The following NTM variants were observed in gnomAD, a reference collection of about 807,000 sequenced individuals.
NTM encodes IgLON family member 2.
NTM carries 13 observed loss-of-function variants against 42.1 expected under a neutral mutation model. The ratio of observed to expected loss-of-function variants is 0.31; its 90% CI spans 0.20 to 0.49. The LOEUF (loss-of-function observed/expected upper bound fraction) is 0.49, where lower values mean the gene tolerates loss of function less well. NTM is among the 20% of genes least tolerant of loss of function. The pLI, the probability that NTM is intolerant of heterozygous loss-of-function variation, is 0.99. For synonymous variants in NTM, 187 were observed against 179.2 expected (o/e 1.04, Z -0.35); for missense variants, 373 against 452.8 (o/e 0.82, Z 1.60).
chr11:132,169,320 C>CTTTACTTTTTTTT (rs2075776577), intron 3 of NTM, among the ~76,000 whole-genome samples: 4 of 32,358 alleles, frequency 1.2e-4, no homozygotes, highest in Non-Finnish European at 2.2e-4. Context: ...AATTTTTTTA[C>CTTTACTTTTTTTT]TTTTTTTTTT....
chr11:132,321,899 C>T (rs1298993976), intron 7 of NTM, among the ~76,000 whole-genome samples: 6 of 149,096 alleles, frequency 4.0e-5, no homozygotes, highest in Non-Finnish European at 7.4e-5. Context: ...AAAGAATTTT[C>T]AACCCAGAAT....
At chr11:132,151,709 C>T (rs994051885) in intron 3 of NTM, among the ~76,000 whole-genome samples, 2 of 152,070 alleles carry the variant, frequency 1.3e-5, no homozygotes, top group African/African-American at 4.8e-5. Flanking sequence ...TAGTTAATTA[C>T]CTGCCTTTGG....
chr11:132,312,220 C>A (rs1342478306), intron 6 of NTM, among the ~76,000 whole-genome samples: 2 of 152,184 alleles, frequency 1.3e-5, no homozygotes, highest in East Asian at 3.9e-4. Flanking sequence ...GGGGGGAAGG[C>A]CAGCTCTAGC....
At chr11:131,574,618 AG>A (rs1343547619) in intron 1 of NTM, among the ~76,000 whole-genome samples, 1 of 151,564 alleles carries the variant, frequency 6.6e-6, no homozygotes, top group African/African-American at 2.4e-5. Flanking sequence ...TCACTTAGGT[AG>A]GGATGGCTGG....
chr11:131,451,767 G>A (rs777237725), intron 1 of NTM, among the ~76,000 whole-genome samples: 13 of 152,046 alleles, frequency 8.6e-5, no homozygotes, highest in Non-Finnish European at 1.9e-4. Context: ...GGAGACCCTG[G>A]GGTCCCCCAG....
At chr11:132,113,873 G>A (rs928585137) in intron 2 of NTM, among the ~76,000 whole-genome samples, 1 of 152,168 alleles carries the variant, frequency 6.6e-6, no homozygotes. Flanking sequence ...GGGCACAGAA[G>A]TCAACATCAG....
chr11:132,282,761 A>T lies in NTM; in HGVS notation c.527-24928A>T, dbSNP rs909122751. Among the ~76,000 whole-genome samples, 8 of 152,208 alleles carry T rather than the reference A, an allele frequency of 5.3e-5. No homozygotes were observed. In the East Asian group the frequency reaches 1.5e-3, roughly 29 times the overall value. ...AAATTGAATATTTAGCCTGTTTAAG[A>T]GAGAAACATAATCTACACAAAATCT... On this transcript the variant is annotated intron_variant, in intron 4 of 8. Coordinates refer to ENST00000683400, the MANE Select transcript of NTM (RefSeq NM_001352005.2).
Position 131,874,029 on chromosome 11 carries a change from TAATATATATATATATA to T in NTM, c.83-37534_83-37519del, listed in dbSNP as rs1176798373. On this transcript the variant is annotated intron_variant, in intron 1 of 8. Transcript: ENST00000683400. The stretch of plus-strand genomic sequence containing the variant: ...TATAATATATTTATATAATATAATA[TAATATATATATATATA>T]TATATATATATATATATATATATCA... Among the ~76,000 whole-genome samples, 27 of 50,952 alleles carry T rather than the reference TAATATATATATATATA, an allele frequency of 5.3e-4. 1 individual carries two copies. The highest frequency in any genetic ancestry group is 1.0e-3 in the African/African-American group (20 of 19,318). 33.4% of individuals were successfully genotyped at this position (50,952 alleles called of 152,430 possible).
At chr11:132,135,225 C>G (rs144820114) in intron 2 of NTM, among the ~76,000 whole-genome samples, 1 of 152,168 alleles carries the variant, frequency 6.6e-6, no homozygotes, top group Non-Finnish European at 1.5e-5. Context: ...TACCTTGCCC[C>G]GTGTCCTCTC....
intron 4 of NTM, among the ~76,000 whole-genome samples, chr11:132,292,394 T>C (rs2094474880): frequency 6.6e-6 from 1 of 152,132 alleles, no homozygotes; most frequent in South Asian, 2.1e-4. Context: ...GCTTCTCTAT[T>C]CTCCCTCCTC....
At chr11:131,814,658 T>TG (rs766789675) in intron 1 of NTM, among the ~76,000 whole-genome samples, 2 of 151,792 alleles carry the variant, frequency 1.3e-5, no homozygotes, top group Non-Finnish European at 2.9e-5. Flanking sequence ...ACAACTGGAG[T>TG]GGGGAGGTGA....
At chr11:131,640,773 G>A (rs1402645147) in intron 1 of NTM, among the ~76,000 whole-genome samples, 4 of 152,136 alleles carry the variant, frequency 2.6e-5, no homozygotes, top group Admixed American at 2.6e-4. Context: ...TCTCAAGGAG[G>A]GACCTAAACA....
chr11:132,126,324 G>C (rs2065830847), intron 2 of NTM, among the ~76,000 whole-genome samples: 1 of 152,174 alleles, frequency 6.6e-6, no homozygotes, highest in South Asian at 2.1e-4. Flanking sequence ...ACAATGCTGA[G>C]GGTGACAGGA....
chr11:131,977,357 A>G (rs1232013345), intron 2 of NTM, among the ~76,000 whole-genome samples: 2 of 152,240 alleles, frequency 1.3e-5, no homozygotes, highest in African/African-American at 2.4e-5. Context: ...TGTGAAAACA[A>G]TGAGCTGGTG....
chr11:132,200,348 A>G (rs2080966148), intron 3 of NTM, among the ~76,000 whole-genome samples: 2 of 152,200 alleles, frequency 1.3e-5, no homozygotes, highest in Admixed American at 6.5e-5. Context: ...GGCATGAGCA[A>G]TATTGGGACT....
chr11:131,913,713 G>A (rs2055737564), intron 2 of NTM, among the ~76,000 whole-genome samples: 2 of 152,214 alleles, frequency 1.3e-5, no homozygotes, highest in Middle Eastern at 3.4e-3. Context: ...ATGGAGATGG[G>A]AACATGGTGG....
intron 1 of NTM, among the ~76,000 whole-genome samples, chr11:131,397,848 T>C (rs540858768): frequency 4.6e-5 from 7 of 152,314 alleles, no homozygotes; most frequent in African/African-American, 1.7e-4. Context: ...AGAGCACCGC[T>C]GATAGTCTAA....
At chr11:131,686,690 G>T (rs1347067671) in intron 1 of NTM, among the ~76,000 whole-genome samples, 2 of 152,230 alleles carry the variant, frequency 1.3e-5, no homozygotes, top group African/African-American at 4.8e-5. Flanking sequence ...ACCGCATCTG[G>T]TTCAGAAACT....
chr11:131,372,270 G>A (rs1382716926), intron 1 of NTM, among the ~76,000 whole-genome samples: 2 of 152,060 alleles, frequency 1.3e-5, no homozygotes, highest in Non-Finnish European at 2.9e-5. Flanking sequence ...GGAAGTCCAA[G>A]GTGGTGAATC....
Sources: allele counts gnomAD v4.1 joint callset (sites outside exome capture counted in the v4.1 genomes callset), GRCh38; gene constraint gnomAD v4.1.1; transcripts MANE v1.5; gene names NCBI Gene and HGNC (gene_info 2026-07-23, HGNC 2026-07-21).